ENOX2: variants seen among roughly 807,000 people sequenced by gnomAD.
ENOX2 encodes the protein ecto-NOX disulfide-thiol exchanger 2.
ENOX2 carries 36 observed loss-of-function variants against 45.0 expected under a neutral mutation model. The ratio of observed to expected loss-of-function variants is 0.80; its 90% CI spans 0.61 to 1.06. The LOEUF (loss-of-function observed/expected upper bound fraction) is 1.06, where lower values mean the gene tolerates loss of function less well. Among genes scored for constraint, ENOX2 ranks in the 50% least tolerant of loss-of-function variants. The pLI is 0.00. For synonymous variants in ENOX2, 174 were observed against 152.3 expected, an observed-to-expected ratio of 1.14 and a Z score of -1.05; for missense variants, 423 against 462.5, an observed-to-expected ratio of 0.91 and a Z score of 0.78.
intron 2 of ENOX2, among the ~76,000 whole-genome samples, chrX:130,797,862 G>GTGT (rs1239119228): frequency 9.0e-6 from 1 of 111,367 alleles, no homozygotes; most frequent in African/African-American, 3.3e-5. Context: ...CTGTGTGTGT[G>GTGT]TGTTGTTGTT....
chrX:130,650,583 T>C (rs1369292808), intron 10 of ENOX2, among the ~76,000 whole-genome samples: 1 of 112,442 alleles, frequency 8.9e-6, no homozygotes, highest in Non-Finnish European at 1.9e-5. Flanking sequence ...TTTAATAATA[T>C]GTTTGAGTAG....
chrX:130,702,530 CT>C (rs2037924940), intron 4 of ENOX2, among the ~76,000 whole-genome samples: 1 of 112,039 alleles, frequency 8.9e-6, no homozygotes, highest in East Asian at 2.8e-4. Context: ...GTCCAGGAAG[CT>C]TTTTTGTGTC....
chrX:130,695,598 C>T (rs1300708525), intron 4 of ENOX2, among the ~76,000 whole-genome samples: 1 of 111,602 alleles, frequency 9.0e-6, no homozygotes, highest in Non-Finnish European at 1.9e-5. Flanking sequence ...GAAATGCAAC[C>T]ACAGATTATT....
At chrX:130,655,139 ACT>A (rs1320066362) in intron 10 of ENOX2, among the ~76,000 whole-genome samples, 2 of 111,213 alleles carry the variant, frequency 1.8e-5, no homozygotes, top group African/African-American at 6.5e-5. Flanking sequence ...TTCTTATTCA[ACT>A]CTGTGTTTAT....
intron 13 of ENOX2, among the ~76,000 whole-genome samples, chrX:130,629,193 A>G (rs1052497698): frequency 1.8e-5 from 2 of 112,324 alleles, no homozygotes; most frequent in Non-Finnish European, 3.8e-5. Context: ...TTCTTAAACG[A>G]CTAGATAAAT....
At chrX:130,812,097 T>C (rs187690287) in intron 2 of ENOX2, among the ~76,000 whole-genome samples, 16 of 111,940 alleles carry the variant, frequency 1.4e-4, no homozygotes, top group Admixed American at 3.8e-4. Flanking sequence ...ACATTAGTTA[T>C]AGAAATTAAA....
intron 2 of ENOX2, among the ~76,000 whole-genome samples, chrX:130,793,273 G>A (rs1286085832): frequency 8.9e-6 from 1 of 112,618 alleles, no homozygotes; most frequent in African/African-American, 3.2e-5. Flanking sequence ...TTTGAGTAGT[G>A]TGGCTCCTTC....
chrX:130,642,917 C>A (rs1178942285), intron 10 of ENOX2, among the ~76,000 whole-genome samples: 2 of 111,862 alleles, frequency 1.8e-5, no homozygotes, highest in African/African-American at 3.2e-5. Flanking sequence ...TGCTTTATTG[C>A]AATATTAGCT....
At chrX:130,831,718 G>C (rs900320482) in intron 2 of ENOX2, among the ~76,000 whole-genome samples, 3 of 111,634 alleles carry the variant, frequency 2.7e-5, no homozygotes, top group Non-Finnish European at 3.8e-5. Flanking sequence ...ACTTCCTATA[G>C]TTGATAAGTA....
chrX:130,878,209 G>A (rs1301628251), intron 2 of ENOX2, among the ~76,000 whole-genome samples: 4 of 112,254 alleles, frequency 3.6e-5, no homozygotes, highest in Non-Finnish European at 7.5e-5. Flanking sequence ...CTTAATGTGA[G>A]GCCAGCCAAA....
chrX:130,897,818 A>G (rs1289061048), intron 2 of ENOX2, among the ~76,000 whole-genome samples: 1 of 111,576 alleles, frequency 9.0e-6, no homozygotes, highest in African/African-American at 3.3e-5. Context: ...GAACTATTTT[A>G]TATAGAGACC....
chrX:130,836,566 G>GC (rs2077931073), intron 2 of ENOX2, among the ~76,000 whole-genome samples: 2 of 111,478 alleles, frequency 1.8e-5, no homozygotes, highest in African/African-American at 6.5e-5. Context: ...TTTTATGTTT[G>GC]TATTTCTCCA....
At chrX:130,721,476 A>G (rs997994908) in intron 3 of ENOX2, among the ~76,000 whole-genome samples, 1 of 112,185 alleles carries the variant, frequency 8.9e-6, no homozygotes, top group African/African-American at 3.2e-5. Flanking sequence ...TCATTTTAGC[A>G]TCTTTGCTAG....
intron 8 of ENOX2, among the ~76,000 whole-genome samples, chrX:130,666,583 T>C (rs1325568611): frequency 2.7e-5 from 3 of 111,723 alleles, no homozygotes; most frequent in Non-Finnish European, 5.6e-5. Context: ...GTTTGCACCC[T>C]GTCTTCTAAT....
chrX:130,656,730 T>C (rs1320159491), intron 9 of ENOX2, 35 bp from the exon 10 acceptor site: 4 of 792,135 alleles, frequency 5.0e-6, no homozygotes, highest in Non-Finnish European at 7.6e-6. Flanking sequence ...AGGTGGGAAT[T>C]CCTTGAAAAT....
At chrX:130,684,743 T>C (rs950475093) in intron 5 of ENOX2, among the ~76,000 whole-genome samples, 1 of 112,106 alleles carries the variant, frequency 8.9e-6, no homozygotes, top group East Asian at 2.8e-4. Flanking sequence ...ACAAATTATA[T>C]AGTTGGTTAA....
intron 5 of ENOX2, 97 bp from the exon 6 acceptor site, chrX:130,679,845 T>C (rs1054298010): frequency 2.9e-5 from 18 of 628,129 alleles, no homozygotes; most frequent in Non-Finnish European, 4.3e-5. Context: ...GTCAAACTTT[T>C]GTCTAAGAGT....
At chrX:130,878,386 G>C (rs1042318181) in intron 2 of ENOX2, among the ~76,000 whole-genome samples, 3 of 111,627 alleles carry the variant, frequency 2.7e-5, no homozygotes, top group Non-Finnish European at 5.7e-5. Context: ...CCCATGGGTA[G>C]GGCACTCAGG....
chrX:130,869,396 G>A (rs760686188), intron 2 of ENOX2, among the ~76,000 whole-genome samples: 41 of 111,373 alleles, frequency 3.7e-4, no homozygotes, highest in African/African-American at 1.2e-3. Context: ...CAGTGTAAGC[G>A]TATAATCTGC....
Sources: gnomAD v4.1 joint callset for allele counts (sites outside exome capture counted in the v4.1 genomes callset) on GRCh38, gnomAD v4.1.1 for gene constraint, MANE v1.5 for transcripts, NCBI Gene and HGNC (gene_info 2026-07-23, HGNC 2026-07-21) for gene names.